Variants in SPAG16 observed in about 807,000 individuals in gnomAD.
The protein encoded by SPAG16 is sperm associated antigen 16.
A neutral mutation model predicts 80.4 loss-of-function variants in SPAG16; 86 were observed. The observed-to-expected ratio is 1.07, with a 90% CI of 0.90 to 1.28. The LOEUF is 1.28. Among genes scored for constraint, SPAG16 ranks in the 50% most tolerant of loss-of-function variants. The probability of loss-of-function intolerance (pLI) is 0.00; values close to 1 mark genes in which losing one functional copy is unlikely to be tolerated. For synonymous variants in SPAG16, 294 were observed against 265.9 expected (o/e 1.11, Z -1.03); for missense variants, 870 against 765.3 (o/e 1.14, Z -1.61).
chr2:214,379,178 A>C (rs1010211362), intron 15 of SPAG16, among the ~76,000 whole-genome samples: 2 of 152,178 alleles, frequency 1.3e-5, no homozygotes, highest in African/African-American at 4.8e-5. Context: ...TGTGATTGAA[A>C]TTTGCTTCTT....
intron 15 of SPAG16, among the ~76,000 whole-genome samples, chr2:214,164,945 T>C (rs2056587939): frequency 6.6e-6 from 1 of 152,142 alleles, no homozygotes; most frequent in South Asian, 2.1e-4. Flanking sequence ...TACTCTTATA[T>C]TCTTGTATAA....
rs10498003 is a variant in SPAG16, at chr2:213,310,043, C to T, written c.280-16C>T. The stretch of plus-strand genomic sequence containing the variant: ...TTGATGTTTTCAGAATAAATAAATG[C>T]ACGTTTAAATTTCAGGAACGGAAAA... On this transcript the variant is annotated splice_polypyrimidine_tract_variant and intron_variant, in intron 3 of 15. Coordinates refer to ENST00000331683, the MANE Select transcript of SPAG16 (RefSeq NM_024532.5). 369,017 of 1,473,460 alleles carry T rather than the reference C, an allele frequency of 0.25. 51,773 individuals are homozygous for T. Among genetic ancestry groups the T allele is most frequent in the Non-Finnish European group, 0.29 (308,528 of 1,059,344 alleles). The allele number at this position is 1,473,460 out of a possible 1,614,324, so 91.3% of individuals were successfully genotyped here. A position where few individuals can be genotyped will look rare whatever the true frequency, so the allele number is the denominator to read the frequency against.
At position 214,262,090 on chromosome 2, in the gene SPAG16, A is replaced by G. The variant is rs138257266; in HGVS notation, c.1720+112824A>G. On this transcript the variant is annotated intron_variant, in intron 15 of 15. Transcript: ENST00000331683. ...TATATAATTAGACTATCTATCTGAT[A>G]TTCATTAGATAGCCTAATGGATTTG... Among the ~76,000 whole-genome samples the G allele has an allele frequency of 2.2e-3, 341 of 152,250 alleles. 1 individual carries two copies. The highest frequency in any genetic ancestry group is 5.0e-3 in the South Asian group (24 of 4,824).
chr2:213,842,955 A>G (rs918764637), intron 10 of SPAG16, among the ~76,000 whole-genome samples: 3 of 152,076 alleles, frequency 2.0e-5, no homozygotes, highest in African/African-American at 7.2e-5. Context: ...TGTTTTGTAG[A>G]AGCAAGGTCT....
At chr2:213,633,154 T>C (rs1256229061) in intron 10 of SPAG16, among the ~76,000 whole-genome samples, 2 of 152,206 alleles carry the variant, frequency 1.3e-5, no homozygotes, top group Admixed American at 1.3e-4. Flanking sequence ...TTACTTGTTA[T>C]TGGTCAGTTC....
At chr2:214,108,450 C>A (rs2053494623) in intron 14 of SPAG16, among the ~76,000 whole-genome samples, 189 bp downstream of exon 14, 2 of 63,358 alleles carry the variant, frequency 3.2e-5, no homozygotes, top group African/African-American at 1.0e-4. Flanking sequence ...CACACACACA[C>A]ACACACACAC....
At chr2:214,347,856 A>T (rs933300616) in intron 15 of SPAG16, among the ~76,000 whole-genome samples, 1 of 152,184 alleles carries the variant, frequency 6.6e-6, no homozygotes, top group East Asian at 1.9e-4. Flanking sequence ...TCAGAAAACC[A>T]TTCAGCTGTG....
chr2:214,158,669 G>A (rs2056315367), intron 15 of SPAG16, among the ~76,000 whole-genome samples: 1 of 151,926 alleles, frequency 6.6e-6, no homozygotes, highest in African/African-American at 2.4e-5. Flanking sequence ...TTAATTTGGG[G>A]TAGTATTTTT....
At chr2:214,074,753 A>G (rs1291636631) in intron 13 of SPAG16, among the ~76,000 whole-genome samples, 2 of 152,162 alleles carry the variant, frequency 1.3e-5, no homozygotes, top group South Asian at 2.1e-4. Context: ...TATACAAAAA[A>G]TATTCAAAGG....
rs192939761 is a variant in SPAG16, at chr2:213,712,481, G to A, written c.1071-150004G>A. On this transcript the variant is annotated intron_variant, in intron 10 of 15. Transcript: ENST00000331683. ...CCACTGCACTTCAAATTAGAGTGCC[G>A]CACCATCTAAGCCAGACTTGTAAAA... is the stretch of plus-strand genomic sequence containing the variant. 2.1e-3 allele frequency among the ~76,000 whole-genome samples: 314 copies of A among 152,244 alleles called. 1 individual carries two copies. Among genetic ancestry groups the A allele is most frequent in the African/African-American group, 6.9e-3 (288 of 41,526 alleles).
At chr2:213,447,982 G>C (rs1206070844) in intron 9 of SPAG16, among the ~76,000 whole-genome samples, 1 of 152,178 alleles carries the variant, frequency 6.6e-6, no homozygotes, top group Non-Finnish European at 1.5e-5. Flanking sequence ...CTGTGATCAT[G>C]GGCCTAATTA....
chr2:213,764,350 G>T (rs1319057733), intron 10 of SPAG16, among the ~76,000 whole-genome samples: 2 of 151,276 alleles, frequency 1.3e-5, no homozygotes, highest in Non-Finnish European at 2.9e-5. Flanking sequence ...TTATCAGCAT[G>T]GGTGACATTA....
intron 15 of SPAG16, among the ~76,000 whole-genome samples, chr2:214,301,329 A>C (rs1356318589): frequency 1.3e-5 from 2 of 151,616 alleles, no homozygotes; most frequent in African/African-American, 4.8e-5. Flanking sequence ...AAATAATAAG[A>C]GCCATATATG....
rs115794610 is a variant in SPAG16, at chr2:214,044,593, G to A, written c.1527+30516G>A. Among the ~76,000 whole-genome samples the A allele has an allele frequency of 9.1e-3, 1,388 of 152,254 alleles. 23 individuals are homozygous for A. Among genetic ancestry groups the A allele is most frequent in the African/African-American group, 0.032 (1,312 of 41,538 alleles). On this transcript the variant is annotated intron_variant, in intron 13 of 15. Transcript: ENST00000331683. ...ACCAAAAATCAGGTGAGCATTCAGA[G>A]TACCTGCTTTTAACTTCATACTGAA...
rs2060097816 is a variant in SPAG16, at chr2:213,575,620, T to C, written c.1070+85530T>C. On this transcript the variant is annotated intron_variant, in intron 10 of 15. Coordinates refer to ENST00000331683, the MANE Select transcript of SPAG16 (RefSeq NM_024532.5). Reference sequence around the variant, plus strand: ...TAATAAAGACATTGAATATTATTGATCTATGAAATGTCATGCCAATTTCTA... The same window carrying C: ...TAATAAAGACATTGAATATTATTGACCTATGAAATGTCATGCCAATTTCTA... Among the ~76,000 whole-genome samples, 3 of 152,182 alleles carry C rather than the reference T, an allele frequency of 2.0e-5. 1 individual carries two copies. In the South Asian group the frequency reaches 6.2e-4, roughly 31 times the overall value.
intron 6 of SPAG16, 21 bp downstream of exon 6, chr2:213,340,291 A>G (rs2124955684): frequency 4.1e-6 from 6 of 1,465,096 alleles, no homozygotes; most frequent in Non-Finnish European, 5.7e-6. Context: ...ACTTGTTGGC[A>G]TATTTATTAA....
At chr2:213,469,690 A>G (rs920341472) in intron 9 of SPAG16, among the ~76,000 whole-genome samples, 1 of 150,418 alleles carries the variant, frequency 6.6e-6, no homozygotes, top group African/African-American at 2.4e-5. Context: ...ATTGACATTA[A>G]TCACAGGGCA....
rs1193389661 is a variant in SPAG16, at chr2:213,929,951, T to C, written c.1215-9T>C. 36 of 1,598,974 alleles carry C rather than the reference T, an allele frequency of 2.3e-5. No individual in the cohort carries two copies. The highest frequency in any genetic ancestry group is 3.1e-5 in the Non-Finnish European group (36 of 1,172,518). Reference sequence around the variant, plus strand: ...TAAACAAGCTGTCTTTTTATGTTTTTGCAAATAGTGGCGACAAATTGGCTA... The same window carrying C: ...TAAACAAGCTGTCTTTTTATGTTTTCGCAAATAGTGGCGACAAATTGGCTA... On this transcript the variant is annotated splice_polypyrimidine_tract_variant and intron_variant, in intron 11 of 15. Transcript: ENST00000331683.
At chr2:213,903,793 GT>G (rs1239510833) in intron 11 of SPAG16, among the ~76,000 whole-genome samples, 1 of 152,122 alleles carries the variant, frequency 6.6e-6, no homozygotes, top group South Asian at 2.1e-4. Context: ...AAAACTGAAT[GT>G]TTTTTAACAG....
Sources: gnomAD v4.1 joint callset for allele counts (sites outside exome capture counted in the v4.1 genomes callset) on GRCh38, gnomAD v4.1.1 for gene constraint, MANE v1.5 for transcripts, NCBI Gene and HGNC (gene_info 2026-07-23, HGNC 2026-07-21) for gene names.